TNS1: variants seen among roughly 807,000 people sequenced by gnomAD.
The protein encoded by TNS1 is tensin 1.
A neutral mutation model predicts 168.6 loss-of-function variants in TNS1; 62 were observed. That is an observed-to-expected ratio of 0.37 (90% CI 0.30 to 0.45). TNS1 has a LOEUF of 0.45. Among genes scored for constraint, TNS1 ranks in the 20% least tolerant of loss-of-function variants. The probability of loss-of-function intolerance (pLI) is 1.00; values close to 1 mark genes in which losing one functional copy is unlikely to be tolerated. For missense variants in TNS1, 2,240 were observed against 2,339.4 expected, an observed-to-expected ratio of 0.96 and a Z score of 0.88; for synonymous variants, 934 against 933.2, an observed-to-expected ratio of 1.00 and a Z score of -0.02.
intron 3 of TNS1, among the ~76,000 whole-genome samples, chr2:217,942,665 C>T (rs1386808892): frequency 1.3e-5 from 2 of 152,174 alleles, no homozygotes; most frequent in African/African-American, 4.8e-5. Context: ...TTCCCCACTG[C>T]TGCCACATTG....
At chr2:218,019,836 C>T (rs980592335) in intron 1 of TNS1, among the ~76,000 whole-genome samples, 1 of 152,152 alleles carries the variant, frequency 6.6e-6, no homozygotes, top group African/African-American at 2.4e-5. Context: ...CTCCCACCCT[C>T]CTGCTGGCTT....
At chr2:217,924,158 TC>T (rs1214538551) in intron 3 of TNS1, among the ~76,000 whole-genome samples, 1 of 152,212 alleles carries the variant, frequency 6.6e-6, no homozygotes, top group Non-Finnish European at 1.5e-5. Context: ...GTTCTGTTCT[TC>T]CTTGGAGCCT....
At chr2:217,979,516 T>A (rs1178645347) in intron 2 of TNS1, among the ~76,000 whole-genome samples, 1 of 138,328 alleles carries the variant, frequency 7.2e-6, no homozygotes, top group Admixed American at 7.6e-5. Flanking sequence ...TGTGCATGAC[T>A]TGAAACACAC....
At chr2:218,013,241 G>C (rs1958724959), upstream of TNS1, among the ~76,000 whole-genome samples, 1 of 151,198 alleles carries the variant, frequency 6.6e-6, no homozygotes, top group African/African-American at 2.4e-5. Context: ...GGGTGACAGA[G>C]CGAGACTCTA....
rs749643848 is a variant in TNS1, at chr2:217,885,799, T to G, written c.1061A>C (p.Gln354Pro). The G allele has an allele frequency of 6.2e-7, 1 of 1,614,198 alleles. No homozygotes were observed. The highest frequency in any genetic ancestry group is 2.2e-5 in the East Asian group (1 of 44,888). ...CTCGATGGTGATGCAGACGCTAGTC[T>G]GGCTGTCTCCTGGGATGTTGCTAAG... ...SGIYNIPGDS[Q>P]TSVCITIEPG... Residue 354 changes from glutamine (Q) to proline (P), a missense_variant, in exon 15 of 33, where the codon CAG becomes CCG. Physicochemically the swap from Gln to Pro is moderately conservative, Grantham distance 76. Around this residue, in one of 2 missense-constraint regions of TNS1, gnomAD observed 2,131 missense variants for 2,171.2 expected, o/e 0.98. Transcript: ENST00000682258.
intron 3 of TNS1, among the ~76,000 whole-genome samples, chr2:217,950,871 G>A (rs548240874): frequency 1.1e-4 from 16 of 151,034 alleles, no homozygotes; most frequent in Non-Finnish European, 1.6e-4. Context: ...CCATCTCCCC[G>A]AGCCCATCCT....
At chr2:217,850,463 G>C in intron 18 of TNS1, 1 of 985,260 alleles carries the variant, frequency 1.0e-6, no homozygotes, top group Non-Finnish European at 1.2e-6. Context: ...GAAGGAAAAA[G>C]TGAGCGCTGG....
intron 11 of TNS1, among the ~76,000 whole-genome samples, chr2:217,892,438 G>T (rs905646575): frequency 2.6e-5 from 4 of 152,226 alleles, no homozygotes; most frequent in African/African-American, 4.8e-5. Flanking sequence ...ACGAATGGGT[G>T]AATCCCTCTG....
rs1937607371 is a variant in TNS1 at position 217,802,459 on chromosome 2, A to T, written c.*2000T>A. ...GTGCCATACACACCCATGTCCCCGC[A>T]TGCTCACACACTCGCTCAGGCCTGC... On this transcript the variant is annotated 3_prime_UTR_variant, in exon 33 of 33. Coordinates refer to ENST00000682258, the MANE Select transcript of TNS1 (RefSeq NM_001387777.1). The T allele has an allele frequency of 6.6e-6, 1 of 152,256 alleles. No homozygotes were observed. 9.4% of individuals were successfully genotyped at this position (152,256 alleles called of 1,614,324 possible). A position where few individuals can be genotyped will look rare whatever the true frequency, so the allele number is the denominator to read the frequency against.
At chr2:217,891,078 AC>A (rs1461887411) in intron 11 of TNS1, 33 bp from the exon 12 acceptor site, 2 of 1,610,424 alleles carry the variant, frequency 1.2e-6, no homozygotes, top group Admixed American at 1.7e-5. Context: ...AAAAGAGGCA[AC>A]TCCTGCATCC....
At chr2:217,967,349 A>T (rs1274508489) in intron 3 of TNS1, among the ~76,000 whole-genome samples, 1 of 152,066 alleles carries the variant, frequency 6.6e-6, no homozygotes, top group Non-Finnish European at 1.5e-5. Flanking sequence ...AAATAAAAAT[A>T]AAAAATAAAC....
At position 217,974,640 on chromosome 2, in the gene TNS1, C is replaced by A. The variant is rs1288790254; in HGVS notation, c.186+4125G>T. 4.6e-5 allele frequency among the ~76,000 whole-genome samples: 7 copies of A among 152,178 alleles called. No individual in the cohort carries two copies. In the East Asian group the frequency reaches 1.3e-3, roughly 29 times the overall value. Reference sequence around the variant, plus strand: ...CACGTCCAAGTGGCAGAGAGCTGGGCACAGAATATCTGGGATCCTTTCCAG... The same window carrying A: ...CACGTCCAAGTGGCAGAGAGCTGGGAACAGAATATCTGGGATCCTTTCCAG... On this transcript the variant is annotated intron_variant, in intron 3 of 32. Coordinates refer to ENST00000682258, the MANE Select transcript of TNS1 (RefSeq NM_001387777.1).
At chr2:217,831,950 C>T (rs1374860875) in intron 21 of TNS1, among the ~76,000 whole-genome samples, 1 of 151,870 alleles carries the variant, frequency 6.6e-6, no homozygotes, top group Non-Finnish European at 1.5e-5. Flanking sequence ...CCAACACACA[C>T]ACACACACAC....
chr2:218,020,674 G>C (rs550646725), intron 1 of TNS1, among the ~76,000 whole-genome samples: 1 of 152,324 alleles, frequency 6.6e-6, no homozygotes, highest in South Asian at 2.1e-4. Flanking sequence ...GACCCTGGGG[G>C]TTCTGAGTTA....
chr2:217,896,622 G>A (rs535073405), intron 8 of TNS1, among the ~76,000 whole-genome samples: 80 of 152,322 alleles, frequency 5.3e-4, no homozygotes, highest in Middle Eastern at 3.4e-3. Flanking sequence ...CTTCAGAACT[G>A]TGAGAGAATA....
At position 218,030,345 on chromosome 2, in the gene TNS1, G is replaced by A. The variant is rs150041888; in HGVS notation, c.156+3475C>T. 9.2e-5 allele frequency among the ~76,000 whole-genome samples: 14 copies of A among 152,182 alleles called. No homozygotes were observed. In the East Asian group the frequency reaches 1.2e-3, roughly 13 times the overall value. Reference sequence around the variant, plus strand: ...CAGATGTCACTTCCTTCACCTTCCCGGTGCAATCCCTCTGGAATCCTCACC... The same window carrying A: ...CAGATGTCACTTCCTTCACCTTCCCAGTGCAATCCCTCTGGAATCCTCACC... On this transcript the variant is annotated intron_variant, in intron 1 of 1. Coordinates refer to the TNS1 transcript ENST00000649572.
intron 30 of TNS1, 36 bp downstream of exon 30, chr2:217,809,787 G>A: frequency 1.9e-6 from 3 of 1,595,010 alleles, no homozygotes; most frequent in East Asian, 2.2e-5. Context: ...TCACAGGAAG[G>A]AGAACCCCAC....
rs567115613 is a variant in TNS1, at chr2:217,899,395, T to C, written c.371+1068A>G. ...ACTGCCTACCCAAGGACAGTTCTTG[T>C]AGGTGGTGACCAGTCTGGGACAAGA... On this transcript the variant is annotated intron_variant, in intron 7 of 32. Coordinates refer to ENST00000682258, the MANE Select transcript of TNS1 (RefSeq NM_001387777.1). Among the ~76,000 whole-genome samples, 7 of 152,258 alleles carry C rather than the reference T, an allele frequency of 4.6e-5. No individual in the cohort carries two copies. In the South Asian group the frequency reaches 8.3e-4, roughly 18 times the overall value.
At chr2:217,842,237 A>G (rs553841633) in intron 19 of TNS1, 2 of 611,482 alleles carry the variant, frequency 3.3e-6, no homozygotes, top group African/African-American at 1.9e-5. Flanking sequence ...AACAATTCCC[A>G]TATCTCTAAG....
Sources: allele counts gnomAD v4.1 joint callset (sites outside exome capture counted in the v4.1 genomes callset), GRCh38; gene constraint gnomAD v4.1.1; regional missense constraint gnomAD v4.1.1; transcripts MANE v1.5; gene names NCBI Gene and HGNC (gene_info 2026-07-23, HGNC 2026-07-21).